The following MCUB variants were observed in gnomAD, a reference collection of about 807,000 sequenced individuals.
MCUB encodes the protein mitochondrial calcium uniporter dominant negative subunit beta.
In MCUB, 46 loss-of-function variants were observed where a neutral mutation model predicts 41.4. That is an observed-to-expected ratio of 1.11 (90% CI 0.88 to 1.42). MCUB has a LOEUF of 1.42. MCUB is among the 40% of genes most tolerant of loss of function. The probability of loss-of-function intolerance (pLI) is 0.00; values close to 1 mark genes in which losing one functional copy is unlikely to be tolerated. For synonymous variants in MCUB, 148 were observed against 148.2 expected (o/e 1.00, Z 0.01); for missense variants, 403 against 404.9 (o/e 1.00, Z 0.04).
At chr4:109,634,157 C>CA (rs972484053) in intron 1 of MCUB, among the ~76,000 whole-genome samples, 263 of 152,108 alleles carry the variant, frequency 1.7e-3, no homozygotes, top group African/African-American at 6.2e-3. Context: ...AGAATCCAGA[C>CA]AAAAAACAGA....
intron 4 of MCUB, among the ~76,000 whole-genome samples, chr4:109,670,939 C>T (rs1729443396): frequency 1.3e-5 from 2 of 152,246 alleles, no homozygotes; most frequent in Non-Finnish European, 2.9e-5. Context: ...GCTGAGCCTC[C>T]AGCAATTTGT....
At chr4:109,584,266 G>A (rs1727251738) in intron 1 of MCUB, among the ~76,000 whole-genome samples, 1 of 152,148 alleles carries the variant, frequency 6.6e-6, no homozygotes, top group Non-Finnish European at 1.5e-5. Flanking sequence ...TCTGATGGTA[G>A]TTTGTATTTC....
intron 1 of MCUB, among the ~76,000 whole-genome samples, chr4:109,624,642 T>C (rs1728324061): frequency 6.6e-6 from 1 of 151,928 alleles, no homozygotes; most frequent in African/African-American, 2.4e-5. Flanking sequence ...AAGAAAGAAG[T>C]TGAGAAAGAG....
intron 1 of MCUB, among the ~76,000 whole-genome samples, chr4:109,601,778 C>G (rs1254605736): frequency 1.3e-5 from 2 of 152,034 alleles, no homozygotes; most frequent in African/African-American, 4.8e-5. Flanking sequence ...GGATCATATG[C>G]TAGCTTTATT....
chr4:109,632,239 C>A (rs777267264), intron 1 of MCUB, among the ~76,000 whole-genome samples: 1 of 152,030 alleles, frequency 6.6e-6, no homozygotes, highest in Non-Finnish European at 1.5e-5. Flanking sequence ...TCATATTCTT[C>A]TTTTTCTTAA....
intron 1 of MCUB, among the ~76,000 whole-genome samples, chr4:109,597,609 G>A (rs1404506745): frequency 2.4e-5 from 3 of 126,040 alleles, no homozygotes; most frequent in Non-Finnish European, 5.1e-5. Context: ...CTCACCTCCC[G>A]GATGGGGCAG....
chr4:109,618,516 G>C (rs1728178061), intron 1 of MCUB, among the ~76,000 whole-genome samples: 1 of 152,138 alleles, frequency 6.6e-6, no homozygotes, highest in Non-Finnish European at 1.5e-5. Flanking sequence ...CTTAGGCTCT[G>C]CTTTTGGGGA....
At chr4:109,611,396 G>A (rs1231919195) in intron 1 of MCUB, among the ~76,000 whole-genome samples, 1 of 152,224 alleles carries the variant, frequency 6.6e-6, no homozygotes, top group Non-Finnish European at 1.5e-5. Context: ...CTCAGGATAT[G>A]TGAAAAGTAA....
intron 1 of MCUB, among the ~76,000 whole-genome samples, chr4:109,599,677 A>T (rs2522547): frequency 0.46 from 65,261 of 141,974 alleles, 15,407 homozygotes; most frequent in South Asian, 0.6. Context: ...ATATTTATTT[A>T]TTTATTTTTT....
chr4:109,654,366 T>C (rs1385540060), intron 1 of MCUB, among the ~76,000 whole-genome samples: 1 of 152,088 alleles, frequency 6.6e-6, no homozygotes, highest in African/African-American at 2.4e-5. Flanking sequence ...ATCCCAGCAC[T>C]TTGGGAGGCC....
At chr4:109,669,683 A>C (rs748986202) in intron 4 of MCUB, among the ~76,000 whole-genome samples, 1 of 147,564 alleles carries the variant, frequency 6.8e-6, no homozygotes, top group Non-Finnish European at 1.5e-5. Flanking sequence ...TAAAGTTCTT[A>C]GATGTTCTGT....
chr4:109,644,312 G>A (rs1173197698), intron 1 of MCUB, among the ~76,000 whole-genome samples: 2 of 152,088 alleles, frequency 1.3e-5, no homozygotes, highest in Admixed American at 6.5e-5. Context: ...TTGGAAAATA[G>A]AGAAGACAAA....
chr4:109,610,917 T>A (rs569299295), intron 1 of MCUB, among the ~76,000 whole-genome samples: 15 of 152,284 alleles, frequency 9.9e-5, no homozygotes, highest in African/African-American at 3.6e-4. Flanking sequence ...GAGTATCTTC[T>A]CCCGTACCCA....
intron 1 of MCUB, among the ~76,000 whole-genome samples, chr4:109,598,511 A>C (rs1264154484): frequency 1.3e-5 from 2 of 152,098 alleles, no homozygotes; most frequent in Non-Finnish European, 2.9e-5. Flanking sequence ...CAGGAGAATC[A>C]GGCAGGGAGG....
chr4:109,613,541 A>G (rs998835253), intron 1 of MCUB, among the ~76,000 whole-genome samples: 1 of 152,216 alleles, frequency 6.6e-6, no homozygotes, highest in Admixed American at 6.5e-5. Context: ...GTCCTCTTCA[A>G]CATGGAAGCT....
intron 1 of MCUB, among the ~76,000 whole-genome samples, chr4:109,583,191 A>G (rs1382121808): frequency 6.6e-6 from 1 of 152,174 alleles, no homozygotes; most frequent in East Asian, 1.9e-4. Context: ...CTTCCTATCC[A>G]TGGGCATGGA....
At chr4:109,664,526 A>G (rs1161539874) in intron 4 of MCUB, 132 bp downstream of exon 4, 7 of 556,428 alleles carry the variant, frequency 1.3e-5, no homozygotes, top group Non-Finnish European at 1.9e-5. Context: ...CTGGGCTCAA[A>G]CAATCCTCCC....
chr4:109,562,638 C>T (rs575054815), intron 1 of MCUB, among the ~76,000 whole-genome samples: 30 of 152,222 alleles, frequency 2.0e-4, no homozygotes, highest in Admixed American at 1.4e-3. Context: ...ACCCCTAGAG[C>T]CTATGAAGCA....
rs1268441752 is a variant in MCUB at position 109,560,247 on chromosome 4, C to T, written c.-91C>T. On this transcript the variant is annotated 5_prime_UTR_variant, in exon 1 of 8. Transcript: ENST00000394650. ...CGAGCAGGCGGGGCGGGAGCGCCCA[C>T]AGCTCGGAGCCACCAGGCGCTGACG... The T allele has an allele frequency of 2.5e-5, 15 of 605,576 alleles. No individual in the cohort carries two copies. The highest frequency in any genetic ancestry group is 3.3e-5 in the Non-Finnish European group (14 of 419,118). 37.5% of individuals were successfully genotyped at this position (605,576 alleles called of 1,614,324 possible). A position where few individuals can be genotyped will look rare whatever the true frequency, so the allele number is the denominator to read the frequency against.
Sources: gnomAD v4.1 joint callset for allele counts (sites outside exome capture counted in the v4.1 genomes callset) on GRCh38, gnomAD v4.1.1 for gene constraint, MANE v1.5 for transcripts, NCBI Gene and HGNC (gene_info 2026-07-23, HGNC 2026-07-21) for gene names.